Variants in KHDRBS2 observed in about 807,000 individuals in gnomAD.
KHDRBS2 encodes the protein KH RNA binding domain containing, signal transduction associated 2.
In KHDRBS2, 26 loss-of-function variants were observed where a neutral mutation model predicts 44.3. The ratio of observed to expected loss-of-function variants is 0.59; its 90% CI spans 0.43 to 0.81. The LOEUF is 0.81. Among genes scored for constraint, KHDRBS2 ranks in the 40% least tolerant of loss-of-function variants. The probability of loss-of-function intolerance (pLI) is 0.00; values close to 1 mark genes in which losing one functional copy is unlikely to be tolerated. For synonymous variants in KHDRBS2, 194 were observed against 151.1 expected, an observed-to-expected ratio of 1.28 and a Z score of -2.08; for missense variants, 476 against 433.1, an observed-to-expected ratio of 1.10 and a Z score of -0.88.
At chr6:62,054,008 A>T (rs1345692691) in intron 2 of KHDRBS2, among the ~76,000 whole-genome samples, 10 of 152,072 alleles carry the variant, frequency 6.6e-5, no homozygotes. Context: ...ACAGATGTTC[A>T]AACCTTTACA....
the KHDRBS2 span, among the ~76,000 whole-genome samples, chr6:61,561,315 C>A: frequency 6.6e-6 from 1 of 152,138 alleles, no homozygotes. Flanking sequence ...CTGAGTCAGA[C>A]CTGAAGCTAT....
chr6:62,106,883 A>C (rs1387425493), intron 2 of KHDRBS2, among the ~76,000 whole-genome samples: 1 of 151,986 alleles, frequency 6.6e-6, no homozygotes, highest in East Asian at 1.9e-4. Context: ...CCTTTGACAA[A>C]ATTCAACAAC....
Position 62,087,848 on chromosome 6 carries a change from T to A in KHDRBS2, c.220-39854A>T, listed in dbSNP as rs540443041. On this transcript the variant is annotated intron_variant, in intron 2 of 8. Transcript: ENST00000281156. ...GTACACCAATCAAATGTAGGTTTAG[T>A]TTTTTCACGTAGTCCCATATTTCTT... Among the ~76,000 whole-genome samples, 871 of 152,332 alleles carry A rather than the reference T, an allele frequency of 5.7e-3. 5 individuals are homozygous for A. The highest frequency in any genetic ancestry group is 8.9e-3 in the Non-Finnish European group (602 of 68,022).
Position 62,271,741 on chromosome 6 carries a change from T to C in KHDRBS2, c.91+14117A>G, listed in dbSNP as rs79704692. On this transcript the variant is annotated intron_variant, in intron 1 of 8. Coordinates refer to ENST00000281156, the MANE Select transcript of KHDRBS2 (RefSeq NM_152688.4). ...CAAAAAAGTTTAAAGAGTAAAAAAA[T>C]AATAATAATAAATTTAAAAATCAAA... is the stretch of plus-strand genomic sequence containing the variant. Among the ~76,000 whole-genome samples, 45 of 151,810 alleles carry C rather than the reference T, an allele frequency of 3.0e-4. No individual in the cohort carries two copies. The East Asian group carries it at 8.7e-3, about 29-fold the overall frequency.
chr6:62,255,605 A>AACACAC (rs60498757), intron 1 of KHDRBS2, among the ~76,000 whole-genome samples: 145 of 137,502 alleles, frequency 1.1e-3, no homozygotes, highest in Middle Eastern at 3.6e-3. Context: ...CATGCTTTAA[A>AACACAC]ACACACACAC....
intron 1 of KHDRBS2, among the ~76,000 whole-genome samples, chr6:62,201,340 G>C (rs777584276): frequency 6.6e-6 from 1 of 152,070 alleles, no homozygotes; most frequent in Non-Finnish European, 1.5e-5. Context: ...GAATGTAATA[G>C]ATGTGGCAGA....
rs570395241 is a variant in KHDRBS2 at position 61,982,057 on chromosome 6, G to A, written c.337-3845C>T. ...GAATTCACGTCAGATATTTAACATA[G>A]CCATTTTAAGCTTTTTGTCATTCAT... On this transcript the variant is annotated intron_variant, in intron 3 of 8. Transcript: ENST00000281156. Among the ~76,000 whole-genome samples the A allele has an allele frequency of 1.5e-3, 228 of 152,158 alleles. 6 individuals are homozygous for A. The South Asian group carries it at 0.044, about 30-fold the overall frequency.
At chr6:61,662,052 A>G in the KHDRBS2 span, among the ~76,000 whole-genome samples, 5 of 152,142 alleles carry the variant, frequency 3.3e-5, no homozygotes, top group African/African-American at 1.2e-4. Flanking sequence ...AAACAGAGAT[A>G]TAGACAAATG....
chr6:61,633,696 T>A, the KHDRBS2 span, among the ~76,000 whole-genome samples: 2 of 152,034 alleles, frequency 1.3e-5, no homozygotes, highest in East Asian at 3.8e-4. Context: ...ACATAATAGA[T>A]GTATCCACAC....
intron 7 of KHDRBS2, among the ~76,000 whole-genome samples, chr6:61,713,086 G>T (rs2127551679): frequency 6.6e-6 from 1 of 151,158 alleles, no homozygotes; most frequent in East Asian, 2.0e-4. Context: ...TATATTTTTG[G>T]CCCAGATGTC....
At chr6:62,224,117 C>T (rs1831353900) in intron 1 of KHDRBS2, among the ~76,000 whole-genome samples, 2 of 152,094 alleles carry the variant, frequency 1.3e-5, no homozygotes, top group African/African-American at 4.8e-5. Context: ...TTTAATTTGA[C>T]TTCAGTTCCA....
chr6:62,152,176 G>T (rs573244810), intron 2 of KHDRBS2, among the ~76,000 whole-genome samples: 2 of 151,928 alleles, frequency 1.3e-5, no homozygotes, highest in African/African-American at 4.8e-5. Flanking sequence ...AAAATTAGCC[G>T]GGTGTGGTGG....
chr6:62,200,094 T>C (rs953869369), intron 1 of KHDRBS2, among the ~76,000 whole-genome samples: 1 of 152,150 alleles, frequency 6.6e-6, no homozygotes, highest in African/African-American at 2.4e-5. Context: ...TCAAGATGGA[T>C]TAAAGACTTA....
chr6:62,147,502 T>G, intron 2 of KHDRBS2, among the ~76,000 whole-genome samples: 1 of 151,832 alleles, frequency 6.6e-6, no homozygotes, highest in Non-Finnish European at 1.5e-5. Flanking sequence ...TTTTTTTCTG[T>G]GCAGAGAGGT....
chr6:61,893,767 G>A (rs1052727042), intron 6 of KHDRBS2, among the ~76,000 whole-genome samples: 2 of 152,118 alleles, frequency 1.3e-5, no homozygotes, highest in African/African-American at 4.8e-5. Flanking sequence ...GGGGAGCGGG[G>A]AGGGATAGCA....
chr6:61,963,288 C>A (rs1769171767), intron 4 of KHDRBS2, among the ~76,000 whole-genome samples: 1 of 151,968 alleles, frequency 6.6e-6, no homozygotes, highest in African/African-American at 2.4e-5. Context: ...TTTTAGCAGT[C>A]TAAGAAAATA....
At chr6:62,284,949 T>C (rs1230915820) in intron 1 of KHDRBS2, among the ~76,000 whole-genome samples, 1 of 152,078 alleles carries the variant, frequency 6.6e-6, no homozygotes, top group Non-Finnish European at 1.5e-5. Context: ...TGTAACCAAT[T>C]TGATGATGAA....
chr6:61,940,677 T>C (rs1035055613), intron 4 of KHDRBS2, among the ~76,000 whole-genome samples: 2 of 152,188 alleles, frequency 1.3e-5, no homozygotes, highest in African/African-American at 4.8e-5. Flanking sequence ...GACTGCACAC[T>C]GTCCTGGAGC....
At chr6:61,706,077 T>G (rs1470125006) in intron 7 of KHDRBS2, among the ~76,000 whole-genome samples, 1 of 151,820 alleles carries the variant, frequency 6.6e-6, no homozygotes, top group Non-Finnish European at 1.5e-5. Context: ...GGAACTTCTG[T>G]GCTTTATATT....
Sources: allele counts gnomAD v4.1 joint callset (sites outside exome capture counted in the v4.1 genomes callset), GRCh38; gene constraint gnomAD v4.1.1; transcripts MANE v1.5; gene names NCBI Gene and HGNC (gene_info 2026-07-23, HGNC 2026-07-21).